HS6ST2: variants seen among roughly 807,000 people sequenced by gnomAD.
HS6ST2 encodes the protein heparan sulfate 6-O-sulfotransferase 2.
Under a neutral mutation model 33.0 loss-of-function variants are expected in HS6ST2, and 17 were observed. The ratio of observed to expected loss-of-function variants is 0.52; its 90% confidence interval spans 0.35 to 0.77. The LOEUF (loss-of-function observed/expected upper bound fraction) is 0.77, where lower values mean the gene tolerates loss of function less well. Among genes scored for constraint, HS6ST2 ranks in the 30% least tolerant of loss-of-function variants. The pLI is 0.01. For synonymous variants in HS6ST2, 248 were observed against 237.1 expected, an observed-to-expected ratio of 1.05 and a Z score of -0.42; for missense variants, 519 against 551.7, an observed-to-expected ratio of 0.94 and a Z score of 0.59.
intron 2 of HS6ST2, among the ~76,000 whole-genome samples, chrX:132,928,349 C>T (rs1326718286): frequency 9.0e-6 from 1 of 110,568 alleles, no homozygotes; most frequent in Non-Finnish European, 1.9e-5. Context: ...TGGCCTCAAA[C>T]TCCCACCTCA....
At chrX:132,681,564 C>G (rs1052928945) in intron 3 of HS6ST2, among the ~76,000 whole-genome samples, 2 of 111,671 alleles carry the variant, frequency 1.8e-5, no homozygotes, top group African/African-American at 6.5e-5. Flanking sequence ...GCAGGAGGAT[C>G]AATTGAGGCC....
At chrX:132,739,339 C>T (rs1286691729) in intron 2 of HS6ST2, among the ~76,000 whole-genome samples, 1 of 111,307 alleles carries the variant, frequency 9.0e-6, no homozygotes, top group African/African-American at 3.3e-5. Flanking sequence ...TAAGTTCTAA[C>T]TCCATGAGTC....
intron 2 of HS6ST2, among the ~76,000 whole-genome samples, chrX:132,935,613 A>C (rs753770083): frequency 8.9e-6 from 1 of 111,986 alleles, no homozygotes; most frequent in East Asian, 2.8e-4. Context: ...AAATAGTTGA[A>C]TCATACAATG....
upstream of HS6ST2, among the ~76,000 whole-genome samples, chrX:132,959,906 C>T (rs937755479): frequency 1.8e-5 from 2 of 112,314 alleles, no homozygotes; most frequent in Non-Finnish European, 3.8e-5. Flanking sequence ...TCAGGCAATT[C>T]TGTGGCTGTG....
At chrX:132,914,215 T>C (rs1335486083) in intron 2 of HS6ST2, among the ~76,000 whole-genome samples, 1 of 112,671 alleles carries the variant, frequency 8.9e-6, no homozygotes, top group Non-Finnish European at 1.9e-5. Flanking sequence ...TGTCATGATG[T>C]TGCTAATAGT....
chrX:132,875,901 C>T (rs1390154379), intron 2 of HS6ST2, among the ~76,000 whole-genome samples: 1 of 110,559 alleles, frequency 9.0e-6, no homozygotes. Context: ...CATAAAAATA[C>T]TGCCTCAGGG....
intron 2 of HS6ST2, among the ~76,000 whole-genome samples, chrX:132,837,368 C>T (rs769289558): frequency 1.4e-3 from 157 of 109,929 alleles, no homozygotes; most frequent in African/African-American, 4.7e-3. Context: ...TGTAAATAGA[C>T]GCCATTCACG....
intron 2 of HS6ST2, among the ~76,000 whole-genome samples, chrX:132,760,513 G>A (rs753411928): frequency 8.9e-6 from 1 of 111,817 alleles, no homozygotes; most frequent in South Asian, 3.8e-4. Context: ...TCAGCCCTGC[G>A]AAACTGTGAG....
chrX:132,681,181 A>T (rs1451156912), intron 3 of HS6ST2, among the ~76,000 whole-genome samples: 2 of 111,665 alleles, frequency 1.8e-5, no homozygotes, highest in Admixed American at 1.9e-4. Context: ...GATGACCTGA[A>T]GTATGCTGAA....
At position 132,785,262 on chromosome X, in the gene HS6ST2, C is replaced by A. The variant is rs767950194; in HGVS notation, c.948-76768G>T. On this transcript the variant is annotated intron_variant, in intron 2 of 4. Transcript: ENST00000370833. ...AGTCTTACTGGTAGCTTTCAACATA[C>A]CCCCAGAGAGACCTTGCATGGCAAC... 2.7e-5 allele frequency among the ~76,000 whole-genome samples: 3 copies of A among 111,996 alleles called. No homozygotes were observed. In the East Asian group the frequency reaches 8.4e-4, roughly 32 times the overall value.
chrX:132,836,705 C>T (rs1602731790), intron 2 of HS6ST2, among the ~76,000 whole-genome samples: 1 of 112,844 alleles, frequency 8.9e-6, no homozygotes, highest in South Asian at 3.6e-4. Context: ...TTTTTCTTTT[C>T]TGTATCCTCT....
chrX:132,863,996 G>A (rs1243369707), intron 2 of HS6ST2, among the ~76,000 whole-genome samples: 1 of 111,378 alleles, frequency 9.0e-6, no homozygotes. Context: ...CAGCAGGCCT[G>A]CAGCAGAGGG....
At position 132,637,840 on chromosome X, in the gene HS6ST2, T is replaced by TA. The variant is rs2063564589; in HGVS notation, c.1068-8748_1068-8747insT. ...TATATATATAATATTATATATAATA[T>TA]TTTATATATAATATATATATAATAT... On this transcript the variant is annotated intron_variant, in intron 4 of 4. Coordinates refer to ENST00000370833, the MANE Select transcript of HS6ST2 (RefSeq NM_001394073.1). 2.5e-4 allele frequency among the ~76,000 whole-genome samples: 11 copies of TA among 44,159 alleles called. No individual in the cohort carries two copies. In the African/African-American group the frequency reaches 2.6e-3, roughly 11 times the overall value. The allele number at this position is 44,159 out of a possible 115,157, so 38.3% of individuals were successfully genotyped here.
At chrX:132,819,615 T>C (rs1243148619) in intron 2 of HS6ST2, among the ~76,000 whole-genome samples, 1 of 111,584 alleles carries the variant, frequency 9.0e-6, no homozygotes, top group Non-Finnish European at 1.9e-5. Context: ...AAGACAAGGT[T>C]CCAAAACAGC....
At chrX:132,648,924 G>A (rs1445159389) in intron 4 of HS6ST2, among the ~76,000 whole-genome samples, 2 of 112,078 alleles carry the variant, frequency 1.8e-5, no homozygotes, top group Non-Finnish European at 3.8e-5. Context: ...TGAAATGTGT[G>A]TGGGGTAACA....
intron 2 of HS6ST2, among the ~76,000 whole-genome samples, chrX:132,740,100 T>C (rs2064555371): frequency 8.9e-6 from 1 of 111,980 alleles, no homozygotes; most frequent in African/African-American, 3.2e-5. Flanking sequence ...GGCTGAGTAA[T>C]TTATGACTCC....
At chrX:132,872,345 C>T (rs191182123) in intron 2 of HS6ST2, among the ~76,000 whole-genome samples, 21 of 112,059 alleles carry the variant, frequency 1.9e-4, no homozygotes, top group African/African-American at 5.8e-4. Flanking sequence ...TTGCAAAGAA[C>T]AGCCTGTCTC....
intron 3 of HS6ST2, among the ~76,000 whole-genome samples, chrX:132,693,932 T>A (rs1332033459): frequency 8.9e-6 from 1 of 112,006 alleles, no homozygotes; most frequent in East Asian, 2.8e-4. Flanking sequence ...AGGGAATGGG[T>A]CTACAATAAA....
In HS6ST2 at chrX:132,935,097, T is replaced by C. The variant is rs749095172; in HGVS notation, c.947+21711A>G. Among the ~76,000 whole-genome samples, 4 of 111,321 alleles carry C rather than the reference T, an allele frequency of 3.6e-5. No individual in the cohort carries two copies. In the South Asian group the frequency reaches 1.5e-3, roughly 42 times the overall value. On this transcript the variant is annotated intron_variant, in intron 2 of 4. Coordinates refer to ENST00000370833, the MANE Select transcript of HS6ST2 (RefSeq NM_001394073.1). ...ATATATGCAGCTAACAACAGATCCC[T>C]AAAACACATGAAGTAAAAACTGACA...
Sources: gnomAD v4.1 joint callset for allele counts (sites outside exome capture counted in the v4.1 genomes callset) on GRCh38, gnomAD v4.1.1 for gene constraint, MANE v1.5 for transcripts, NCBI Gene and HGNC (gene_info 2026-07-23, HGNC 2026-07-21) for gene names.